AGBL3: variants seen among roughly 807,000 people sequenced by gnomAD.
AGBL3 encodes cytosolic carboxypeptidase 3.
AGBL3 carries 68 observed loss-of-function variants against 94.5 expected under a neutral mutation model. The ratio of observed to expected loss-of-function variants is 0.72; its 90% CI spans 0.59 to 0.88. The LOEUF is 0.88. Ranked by LOEUF, AGBL3 falls within the 40% of genes least tolerant of loss-of-function variation. The probability of loss-of-function intolerance (pLI) is 0.00; values close to 1 mark genes in which losing one functional copy is unlikely to be tolerated. For missense variants in AGBL3, 934 were observed against 1,103.8 expected (o/e 0.85, Z 2.18); for synonymous variants, 354 against 370.7 (o/e 0.95, Z 0.52).
intron 4 of AGBL3, among the ~76,000 whole-genome samples, chr7:135,009,866 G>C (rs1053867040): frequency 2.0e-5 from 3 of 152,138 alleles, no homozygotes; most frequent in Admixed American, 6.5e-5. Flanking sequence ...CCTTCAGTGG[G>C]CAACTACTGA....
chr7:135,026,244 A>ATTATTTTATTTTTTTTTTTTTATTTATT (rs1815082604), intron 5 of AGBL3, among the ~76,000 whole-genome samples: 1 of 81,464 alleles, frequency 1.2e-5, no homozygotes, highest in African/African-American at 3.9e-5. Context: ...AATGAATACC[A>ATTATTTTATTTTTTTTTTTTTATTTATT]TTATTTTATT....
At chr7:134,988,725 C>A (rs1809820085) in intron 2 of AGBL3, among the ~76,000 whole-genome samples, 1 of 152,002 alleles carries the variant, frequency 6.6e-6, no homozygotes, top group African/African-American at 2.4e-5. Flanking sequence ...GCAACCTCTG[C>A]CTCCTGGGTT....
intron 11 of AGBL3, among the ~76,000 whole-genome samples, 184 bp from the exon 12 acceptor site, chr7:135,058,985 G>A (rs572247826): frequency 1.3e-5 from 2 of 152,264 alleles, no homozygotes; most frequent in African/African-American, 4.8e-5. Flanking sequence ...TCAAACTCCT[G>A]ACCTCAGGTG....
At chr7:134,998,678 C>A (rs1811317375) in intron 4 of AGBL3, among the ~76,000 whole-genome samples, 1 of 152,178 alleles carries the variant, frequency 6.6e-6, no homozygotes. Flanking sequence ...CAGCTGCATT[C>A]ACTATCAATC....
intron 15 of AGBL3, among the ~76,000 whole-genome samples, chr7:135,100,742 CT>C (rs947666702): frequency 1.3e-5 from 2 of 152,012 alleles, no homozygotes; most frequent in African/African-American, 4.8e-5. Context: ...TTTATCATGT[CT>C]TATGGAAAGA....
intron 15 of AGBL3, among the ~76,000 whole-genome samples, chr7:135,088,761 T>G (rs1035467101): frequency 1.3e-5 from 2 of 152,214 alleles, no homozygotes; most frequent in African/African-American, 4.8e-5. Context: ...GATGATTCCC[T>G]TGTGTGTGAC....
chr7:135,043,000 A>C lies in AGBL3; in HGVS notation c.1501-1025A>C, dbSNP rs566582695. Among the ~76,000 whole-genome samples the C allele has an allele frequency of 1.8e-3, 278 of 152,264 alleles. 3 individuals carry two copies. The highest frequency in any genetic ancestry group is 2.7e-3 in the Non-Finnish European group (185 of 68,008). Reference sequence around the variant, plus strand: ...GAAAAAATAAAATTGCACCTCAAAAAATTTCTTTGTAGACAATCTTTCAGG... The same window carrying C: ...GAAAAAATAAAATTGCACCTCAAAACATTTCTTTGTAGACAATCTTTCAGG... On this transcript the variant is annotated intron_variant, in intron 8 of 16. Transcript: ENST00000436302.
chr7:135,096,437 T>C (rs1410627569), intron 15 of AGBL3, among the ~76,000 whole-genome samples: 1 of 137,336 alleles, frequency 7.3e-6, no homozygotes, highest in Non-Finnish European at 1.6e-5. Context: ...GAAAGAGATA[T>C]ATATGGCTAT....
chr7:135,026,248 T>TTTTATTTTATTTTATTTTATTTTATTTTA (rs1554497711), intron 5 of AGBL3, among the ~76,000 whole-genome samples: 4,250 of 113,312 alleles, frequency 0.038, 285 homozygotes, highest in African/African-American at 0.16. Context: ...AATACCATTA[T>TTTTATTTTATTTTATTTTATTTTATTTTA]TTTATTTTAT....
chr7:135,068,766 C>A (rs1354097616), intron 12 of AGBL3, among the ~76,000 whole-genome samples: 1 of 152,184 alleles, frequency 6.6e-6, no homozygotes, highest in Non-Finnish European at 1.5e-5. Context: ...CAACCAGTAC[C>A]AGCCACTGCA....
chr7:135,127,482 G>A (rs989307802), intron 16 of AGBL3, among the ~76,000 whole-genome samples: 2 of 151,972 alleles, frequency 1.3e-5, no homozygotes, highest in Non-Finnish European at 2.9e-5. Flanking sequence ...GAACCCGGGA[G>A]GCGGAGGTTG....
intron 15 of AGBL3, among the ~76,000 whole-genome samples, chr7:135,110,514 G>A (rs1395355141): frequency 1.3e-5 from 2 of 152,090 alleles, no homozygotes; most frequent in African/African-American, 2.4e-5. Context: ...TCCTGACCTG[G>A]GAGCTGCAAA....
At chr7:135,026,243 CATT>C (rs1438791447) in intron 5 of AGBL3, among the ~76,000 whole-genome samples, 4 of 7,780 alleles carry the variant, frequency 5.1e-4, no homozygotes, top group South Asian at 9.8e-3. Context: ...AAATGAATAC[CATT>C]ATTTTATTTT....
At chr7:135,071,000 C>A (rs1481365298) in intron 12 of AGBL3, among the ~76,000 whole-genome samples, 1 of 152,142 alleles carries the variant, frequency 6.6e-6, no homozygotes, top group African/African-American at 2.4e-5. Flanking sequence ...CCAAAATCTC[C>A]TTAAGCTGAT....
intron 8 of AGBL3, among the ~76,000 whole-genome samples, chr7:135,040,315 C>T (rs1193916195): frequency 6.6e-6 from 1 of 152,036 alleles, no homozygotes; most frequent in Non-Finnish European, 1.5e-5. Flanking sequence ...AAACATAGTA[C>T]AAGAAAAGAA....
At chr7:135,080,162 G>A (rs1738698072) in intron 13 of AGBL3, 41 bp from the exon 14 acceptor site, 1 of 1,417,976 alleles carries the variant, frequency 7.1e-7, no homozygotes, top group Non-Finnish European at 9.7e-7. Context: ...ATTTCATGTT[G>A]ATAAAATAGC....
At chr7:135,090,542 G>C (rs1821704445) in intron 15 of AGBL3, among the ~76,000 whole-genome samples, 1 of 152,158 alleles carries the variant, frequency 6.6e-6, no homozygotes, top group Non-Finnish European at 1.5e-5. Context: ...GCTCAGGGCT[G>C]GGGGCTGTGA....
intron 11 of AGBL3, among the ~76,000 whole-genome samples, chr7:135,058,150 CA>C (rs1818501236): frequency 6.6e-6 from 1 of 152,096 alleles, no homozygotes; most frequent in Admixed American, 6.5e-5. Context: ...ATCTAATTTA[CA>C]AATGTACCAC....
intron 2 of AGBL3, 163 bp downstream of exon 2, chr7:134,988,159 T>G (rs983735771): frequency 6.4e-5 from 36 of 565,400 alleles, no homozygotes; most frequent in Admixed American, 1.1e-4. Context: ...AAGCTATCAC[T>G]GGGAACACTA....
Sources: allele counts gnomAD v4.1 joint callset (sites outside exome capture counted in the v4.1 genomes callset), GRCh38; gene constraint gnomAD v4.1.1; transcripts MANE v1.5; gene names NCBI Gene and HGNC (gene_info 2026-07-23, HGNC 2026-07-21).